Variants in TFAP2B observed in about 807,000 individuals in gnomAD.
TFAP2B encodes transcription factor AP-2-beta.
In TFAP2B, 9 loss-of-function variants were observed where a neutral mutation model predicts 44.3. That is an observed-to-expected ratio of 0.20 (90% CI 0.12 to 0.35). TFAP2B has a LOEUF of 0.35. TFAP2B is among the 10% of genes least tolerant of loss of function. The pLI is 1.00. For missense variants in TFAP2B, 509 were observed against 600.0 expected, an observed-to-expected ratio of 0.85 and a Z score of 1.59; for synonymous variants, 270 against 263.8, an observed-to-expected ratio of 1.02 and a Z score of -0.23.
intron 1 of TFAP2B, among the ~76,000 whole-genome samples, chr6:50,820,659 T>C (rs1422582678): frequency 6.6e-6 from 1 of 152,220 alleles, no homozygotes; most frequent in African/African-American, 2.4e-5. Flanking sequence ...GGCGGGATAA[T>C]GGTAAAGTCC....
intron 3 of TFAP2B, among the ~76,000 whole-genome samples, chr6:50,831,238 A>G (rs906932235): frequency 3.3e-5 from 5 of 152,238 alleles, no homozygotes; most frequent in Admixed American, 6.5e-5. Context: ...AGAGGAAATG[A>G]GTTGTTCCCA....
intron 1 of TFAP2B, 148 bp downstream of exon 1, chr6:50,819,120 G>A (rs1770252639): frequency 6.5e-6 from 5 of 767,704 alleles, no homozygotes; most frequent in Non-Finnish European, 8.8e-6. Flanking sequence ...AGAAAAGCTG[G>A]CTAGGGAAGA....
chr6:50,828,679 G>T lies in TFAP2B; in HGVS notation c.601G>T (p.Val201Phe). The stretch of plus-strand genomic sequence containing the variant: ...ATTGGACCAGTCTGTCATTAAAAAA[G>T]GTATGGATAATTCCCCCCAAAAAGT... ...NLLDQSVIKK[V>F]PVPPKSVTSL... The change falls in exon 3 of 7, where the codon GTT (valine) becomes TTT (phenylalanine). Residue 201 changes from valine to phenylalanine, a missense_variant and splice_region_variant. Physicochemically the swap from Val to Phe is conservative, Grantham distance 50. Coordinates refer to ENST00000393655, the MANE Select transcript of TFAP2B (RefSeq NM_003221.4). 1 of 1,613,854 alleles carries T rather than the reference G, an allele frequency of 6.2e-7. No homozygotes were observed. Among genetic ancestry groups the T allele is most frequent in the Non-Finnish European group, 8.5e-7 (1 of 1,179,928 alleles).
chr6:50,821,866 C>T (rs1770357924), intron 1 of TFAP2B: 1 of 300,256 alleles, frequency 3.3e-6, no homozygotes, highest in African/African-American at 2.2e-5. Flanking sequence ...TGAAAGAGGA[C>T]TGCATCTGGA....
At chr6:50,839,801 C>A (rs1762690202) in intron 5 of TFAP2B, among the ~76,000 whole-genome samples, 1 of 152,134 alleles carries the variant, frequency 6.6e-6, no homozygotes, top group Non-Finnish European at 1.5e-5. Flanking sequence ...GTGACAGATG[C>A]TTTAAAAAGA....
At chr6:50,838,252 T>C (rs1250934539) in intron 5 of TFAP2B, among the ~76,000 whole-genome samples, 159 bp downstream of exon 5, 2 of 152,170 alleles carry the variant, frequency 1.3e-5, no homozygotes, top group Non-Finnish European at 1.5e-5. Context: ...TCAAAGGTCC[T>C]TTTACTTAGA....
At chr6:50,833,675 T>G (rs1247554751) in intron 3 of TFAP2B, among the ~76,000 whole-genome samples, 2 of 152,102 alleles carry the variant, frequency 1.3e-5, no homozygotes, top group African/African-American at 2.4e-5. Context: ...CCAAAGGAAA[T>G]AGCTCTTGTC....
chr6:50,822,235 G>A, intron 1 of TFAP2B: 4 of 1,171,212 alleles, frequency 3.4e-6, no homozygotes, highest in African/African-American at 1.6e-5. Flanking sequence ...GCGTCTCTGT[G>A]TGTGTGTGTG....
At chr6:50,829,962 C>T (rs1770630528) in intron 3 of TFAP2B, among the ~76,000 whole-genome samples, 1 of 152,028 alleles carries the variant, frequency 6.6e-6, no homozygotes, top group African/African-American at 2.4e-5. Flanking sequence ...CTCTCTCTCT[C>T]TCTCTCATCT....
At position 50,843,203 on chromosome 6, in the gene TFAP2B, C is replaced by A; in HGVS notation, c.1194C>A (p.Phe398Leu). 1 of 1,614,244 alleles carries A rather than the reference C, an allele frequency of 6.2e-7. No individual in the cohort carries two copies. Among genetic ancestry groups the A allele is most frequent in the Non-Finnish European group, 8.5e-7 (1 of 1,180,046 alleles). ...GGATCCAGAGCTGCCTCACGCACTT[C>A]AGCCTCATCACGCACGGCTTCGGCG... is the stretch of plus-strand genomic sequence containing the variant. Reference protein sequence around the residue: ...EPGIQSCLTHFSLITHGFGAP... With the variant: ...EPGIQSCLTHLSLITHGFGAP... The change falls in exon 7 of 7, where the codon TTC becomes TTA. Residue 398 changes from phenylalanine to leucine, a missense_variant. By Grantham distance (22) the Phe-to-Leu change is conservative. Coordinates refer to ENST00000393655, the MANE Select transcript of TFAP2B (RefSeq NM_003221.4).
In TFAP2B at chr6:50,823,680, G is replaced by A; in HGVS notation, c.355G>A (p.Gly119Ser). 1.2e-6 allele frequency: 2 copies of A among 1,613,818 alleles called. No homozygotes were observed. The highest frequency in any genetic ancestry group is 1.7e-6 in the Non-Finnish European group (2 of 1,179,886). ...RQRQEVGSEA[G>S]SLLPQPRAAL... is the part of the protein sequence containing the mutation. Reference sequence around the variant, plus strand: ...GCGGCAAGAAGTGGGTTCGGAAGCCGGCTCTCTCCTGCCCCAGCCTCGGGC... The same window carrying A: ...GCGGCAAGAAGTGGGTTCGGAAGCCAGCTCTCTCCTGCCCCAGCCTCGGGC... The change falls in exon 2 of 7, where the codon GGC becomes AGC. Residue 119 changes from glycine to serine, a missense_variant. Physicochemically the swap from Gly to Ser is moderately conservative, Grantham distance 56. Transcript: ENST00000393655.
Position 50,840,229 on chromosome 6 carries a change from G to T in TFAP2B, c.1014G>T (p.Glu338Asp), listed in dbSNP as rs778944726. Residue 338 changes from glutamate (E) to aspartate (D), a missense_variant, in exon 6 of 7, where the codon GAG becomes GAT. Transcript: ENST00000393655. Reference protein sequence around the residue: ...ETEFPAKAVSEYLNRQHTDPS... With the variant: ...ETEFPAKAVSDYLNRQHTDPS... ...AGTTTCCCGCCAAAGCCGTCTCTGAGTATTTGAACCGGCAGCACACAGACC... is the reference window on the plus strand; with the variant it reads ...AGTTTCCCGCCAAAGCCGTCTCTGATTATTTGAACCGGCAGCACACAGACC... 6.2e-7 allele frequency: 1 copy of T among 1,614,186 alleles called. No homozygotes were observed. Among genetic ancestry groups the T allele is most frequent in the Non-Finnish European group, 8.5e-7 (1 of 1,180,036 alleles).
At chr6:50,822,792 G>A (rs1770389620) in intron 1 of TFAP2B, among the ~76,000 whole-genome samples, 1 of 152,160 alleles carries the variant, frequency 6.6e-6, no homozygotes, top group Admixed American at 6.5e-5. Context: ...TCCTGGAGAG[G>A]GAGGAGTGAC....
chr6:50,826,111 G>A (rs1360305759), intron 2 of TFAP2B, among the ~76,000 whole-genome samples: 3 of 152,194 alleles, frequency 2.0e-5, no homozygotes, highest in Non-Finnish European at 2.9e-5. Flanking sequence ...GGGGGCTAAA[G>A]TTACACAAGC....
chr6:50,830,998 G>A (rs1003879505), intron 3 of TFAP2B, among the ~76,000 whole-genome samples: 2 of 152,154 alleles, frequency 1.3e-5, no homozygotes, highest in African/African-American at 2.4e-5. Context: ...TTGGCAAGTG[G>A]TCTAGGTTTG....
chr6:50,843,504 A>G lies in TFAP2B; in HGVS notation c.*112A>G. The G allele has an allele frequency of 9.0e-7, 1 of 1,113,472 alleles. No homozygotes were observed. Among genetic ancestry groups the G allele is most frequent in the Non-Finnish European group, 1.3e-6 (1 of 783,008 alleles). The allele number at this position is 1,113,472 out of a possible 1,614,324, so 69.0% of individuals were successfully genotyped here. A position where few individuals can be genotyped will look rare whatever the true frequency, so the allele number is the denominator to read the frequency against. ...TGGCTTTGGAAGAATTATATTAGGT[A>G]GAATACACATACAATCAAAATTTTA... On this transcript the variant is annotated 3_prime_UTR_variant, in exon 7 of 7. Transcript: ENST00000393655.
intron 2 of TFAP2B, 70 bp downstream of exon 2, chr6:50,823,935 G>A (rs1770433924): frequency 1.4e-6 from 2 of 1,470,412 alleles, no homozygotes; most frequent in Admixed American, 3.9e-5. Context: ...AGGGGGGGAG[G>A]TCAGGAGAGG....
At chr6:50,835,741 C>T (rs1188911001) in intron 3 of TFAP2B, among the ~76,000 whole-genome samples, 2 of 152,174 alleles carry the variant, frequency 1.3e-5, no homozygotes, top group Non-Finnish European at 2.9e-5. Flanking sequence ...AGTTAGCACA[C>T]GATGGAATAA....
At chr6:50,819,309 G>C (rs901517579) in intron 1 of TFAP2B, among the ~76,000 whole-genome samples, 1 of 141,542 alleles carries the variant, frequency 7.1e-6, no homozygotes, top group African/African-American at 2.6e-5. Context: ...AGAGAAAATC[G>C]AGATTCTGAT....
Sources: allele counts gnomAD v4.1 joint callset (sites outside exome capture counted in the v4.1 genomes callset), GRCh38; gene constraint gnomAD v4.1.1; transcripts MANE v1.5; gene names NCBI Gene and HGNC (gene_info 2026-07-23, HGNC 2026-07-21).